The following GPC5 variants were observed in gnomAD, a reference collection of about 807,000 sequenced individuals.
The protein encoded by GPC5 is glypican-5.
In GPC5, 47 loss-of-function variants were observed where a neutral mutation model predicts 53.9. The observed-to-expected ratio is 0.87, with a 90% CI of 0.69 to 1.11. The LOEUF (loss-of-function observed/expected upper bound fraction) is 1.11. Ranked by LOEUF, GPC5 falls within the 50% of genes most tolerant of loss-of-function variation. The pLI is 0.00. For synonymous variants in GPC5, 286 were observed against 263.3 expected (o/e 1.09, Z -0.84); for missense variants, 748 against 713.1 (o/e 1.05, Z -0.56).
intron 7 of GPC5, among the ~76,000 whole-genome samples, chr13:92,700,146 C>T (rs753799866): frequency 3.1e-4 from 47 of 151,632 alleles, no homozygotes; most frequent in Non-Finnish European, 5.7e-4. Context: ...ATAGTTAATT[C>T]TTCTTGTTGC....
intron 7 of GPC5, among the ~76,000 whole-genome samples, chr13:92,458,186 A>G (rs1194371448): frequency 6.6e-6 from 1 of 151,988 alleles, no homozygotes; most frequent in African/African-American, 2.4e-5. Context: ...GGTTTTCTAC[A>G]TGCCTAATTC....
Position 92,125,941 on chromosome 13 carries a change from T to G in GPC5, c.1402-18889T>G, listed in dbSNP as rs1346591451. On this transcript the variant is annotated intron_variant, in intron 6 of 7. Coordinates refer to ENST00000377067, the MANE Select transcript of GPC5 (RefSeq NM_004466.6). ...GTTTTTTGGTTTTTTTTTTTTTTTT[T>G]TTTTTTTTTTTTTTTTTTTTTTTTT... Among the ~76,000 whole-genome samples, 61 of 29,988 alleles carry G rather than the reference T, an allele frequency of 2.0e-3. 1 individual carries two copies. Among genetic ancestry groups the G allele is most frequent in the African/African-American group, 5.6e-3 (49 of 8,692 alleles). 19.7% of individuals were successfully genotyped at this position (29,988 alleles called of 152,430 possible). A position where few individuals can be genotyped will look rare whatever the true frequency, so the allele number is the denominator to read the frequency against.
intron 6 of GPC5, among the ~76,000 whole-genome samples, chr13:91,933,726 G>A (rs186524054): frequency 6.6e-6 from 1 of 151,858 alleles, no homozygotes; most frequent in Non-Finnish European, 1.5e-5. Context: ...GTAGTATCTA[G>A]TGTATTCTAC....
At chr13:91,588,330 T>C (rs2032672633) in intron 2 of GPC5, among the ~76,000 whole-genome samples, 1 of 152,160 alleles carries the variant, frequency 6.6e-6, no homozygotes. Flanking sequence ...GAATTTCAGA[T>C]TGTTCCAAAG....
intron 7 of GPC5, among the ~76,000 whole-genome samples, chr13:92,201,775 A>C (rs2042296924): frequency 6.6e-6 from 1 of 152,238 alleles, no homozygotes; most frequent in Admixed American, 6.5e-5. Flanking sequence ...ATGTAGAATT[A>C]GTATTAAGAT....
At chr13:92,072,730 C>T (rs2041223212) in intron 6 of GPC5, among the ~76,000 whole-genome samples, 1 of 151,888 alleles carries the variant, frequency 6.6e-6, no homozygotes, top group South Asian at 2.1e-4. Flanking sequence ...TGTGCTACCA[C>T]ACCCAGTTAA....
At chr13:92,601,979 A>T (rs573281825) in intron 7 of GPC5, among the ~76,000 whole-genome samples, 9 of 151,432 alleles carry the variant, frequency 5.9e-5, no homozygotes, top group African/African-American at 1.9e-4. Flanking sequence ...ATTTCCATAC[A>T]TATCTCACTT....
At chr13:91,665,032 CAAAG>C (rs997769030) in intron 2 of GPC5, among the ~76,000 whole-genome samples, 1 of 152,092 alleles carries the variant, frequency 6.6e-6, no homozygotes, top group Non-Finnish European at 1.5e-5. Context: ...AGATATGAAA[CAAAG>C]AAAGCAGTGG....
At chr13:91,593,569 T>C (rs1482356072) in intron 2 of GPC5, among the ~76,000 whole-genome samples, 2 of 152,224 alleles carry the variant, frequency 1.3e-5, no homozygotes, top group African/African-American at 2.4e-5. Flanking sequence ...CTGACTCTTG[T>C]GTCTTTCACC....
At chr13:92,648,013 T>C (rs1885830395) in intron 7 of GPC5, among the ~76,000 whole-genome samples, 1 of 151,578 alleles carries the variant, frequency 6.6e-6, no homozygotes, top group African/African-American at 2.4e-5. Context: ...ATTGATTGCA[T>C]ATAACATGAT....
chr13:91,899,158 T>G (rs2138983020), intron 5 of GPC5, among the ~76,000 whole-genome samples: 1 of 152,314 alleles, frequency 6.6e-6, no homozygotes, highest in South Asian at 2.1e-4. Flanking sequence ...AGCAGGTGGT[T>G]GGGCTTCTGC....
At chr13:92,799,408 C>A (rs1876820009) in intron 7 of GPC5, among the ~76,000 whole-genome samples, 1 of 151,552 alleles carries the variant, frequency 6.6e-6, no homozygotes, top group Non-Finnish European at 1.5e-5. Flanking sequence ...TACTCATTAC[C>A]ATAATAACAC....
intron 4 of GPC5, among the ~76,000 whole-genome samples, chr13:91,732,180 G>C (rs1454269862): frequency 6.6e-6 from 1 of 152,088 alleles, no homozygotes; most frequent in African/African-American, 2.4e-5. Flanking sequence ...TTTCTCCACA[G>C]CCTCTCCAGC....
chr13:92,536,811 A>AT (rs1411247909), intron 7 of GPC5, among the ~76,000 whole-genome samples: 1 of 152,120 alleles, frequency 6.6e-6, no homozygotes, highest in South Asian at 2.1e-4. Flanking sequence ...TAATATCATA[A>AT]TTTTTTATAC....
intron 5 of GPC5, among the ~76,000 whole-genome samples, chr13:91,758,242 A>G (rs1802674405): frequency 6.6e-6 from 1 of 152,012 alleles, no homozygotes; most frequent in South Asian, 2.1e-4. Context: ...TCATGTCAAC[A>G]TTTCTGCTTC....
rs192821401 is a variant in GPC5, at chr13:91,613,387, G to A, written c.326-79800G>A. ...TAATAAGACTTATTCACTATCGCAA[G>A]AATAGTATGGGGGAATCTGACCCCA... On this transcript the variant is annotated intron_variant, in intron 2 of 7. Coordinates refer to ENST00000377067, the MANE Select transcript of GPC5 (RefSeq NM_004466.6). Among the ~76,000 whole-genome samples, 323 of 152,196 alleles carry A rather than the reference G, an allele frequency of 2.1e-3. 1 individual carries two copies. The Middle Eastern group carries it at 0.024, about 11-fold the overall frequency.
chr13:92,546,821 T>C (rs1594294074), intron 7 of GPC5, among the ~76,000 whole-genome samples: 1 of 152,194 alleles, frequency 6.6e-6, no homozygotes, highest in African/African-American at 2.4e-5. Flanking sequence ...AAAACAGAGA[T>C]ATAGACCAAT....
At chr13:92,753,792 A>C (rs940101108) in intron 7 of GPC5, among the ~76,000 whole-genome samples, 1 of 152,184 alleles carries the variant, frequency 6.6e-6, no homozygotes, top group Admixed American at 6.5e-5. Flanking sequence ...AAAGAATAAA[A>C]AGAAATGAGC....
At position 92,476,608 on chromosome 13, in the gene GPC5, G is replaced by A. The variant is rs563033622; in HGVS notation, c.1561+331619G>A. On this transcript the variant is annotated intron_variant, in intron 7 of 7. Coordinates refer to ENST00000377067, the MANE Select transcript of GPC5 (RefSeq NM_004466.6). ...ACACATGCACACGTATGTTTACTGC[G>A]GCATTATTCACAATAGCAAAGACTT... Among the ~76,000 whole-genome samples the A allele has an allele frequency of 8.0e-5, 12 of 149,288 alleles. No homozygotes were observed. The East Asian group carries it at 9.8e-4, about 12-fold the overall frequency.
Sources: allele counts gnomAD v4.1 joint callset (sites outside exome capture counted in the v4.1 genomes callset), GRCh38; gene constraint gnomAD v4.1.1; transcripts MANE v1.5; gene names NCBI Gene and HGNC (gene_info 2026-07-23, HGNC 2026-07-21).